Variants in HIBADH observed in about 807,000 individuals in gnomAD.
HIBADH encodes the protein 3-hydroxyisobutyrate dehydrogenase, also known as 3-hydroxyisobutyrate dehydrogenase, mitochondrial.
HIBADH carries 25 observed loss-of-function variants against 36.1 expected under a neutral mutation model. The observed-to-expected ratio is 0.69, with a 90% confidence interval of 0.50 to 0.97. HIBADH has a LOEUF of 0.97. Among genes scored for constraint, HIBADH ranks in the 50% least tolerant of loss-of-function variants. The pLI, the probability that HIBADH is intolerant of heterozygous loss-of-function variation, is 0.00. For missense variants in HIBADH, 421 were observed against 418.0 expected (o/e 1.01, Z -0.06); for synonymous variants, 160 against 149.5 (o/e 1.07, Z -0.51).
chr7:27,543,712 T>A (rs1394727371), intron 4 of HIBADH, among the ~76,000 whole-genome samples: 1 of 152,112 alleles, frequency 6.6e-6, no homozygotes, highest in African/African-American at 2.4e-5. Flanking sequence ...TCAATATTAT[T>A]TGATTTTTCT....
At chr7:27,580,276 G>A (rs1784769418) in intron 4 of HIBADH, among the ~76,000 whole-genome samples, 1 of 152,170 alleles carries the variant, frequency 6.6e-6, no homozygotes, top group Non-Finnish European at 1.5e-5. Flanking sequence ...CCAAGTAGCA[G>A]TAATGAGTAA....
chr7:27,640,405 C>T (rs1174514892), intron 2 of HIBADH, among the ~76,000 whole-genome samples: 1 of 152,102 alleles, frequency 6.6e-6, no homozygotes, highest in Non-Finnish European at 1.5e-5. Flanking sequence ...TGGTGCACAC[C>T]TGTGGTCCCA....
chr7:27,640,055 C>T (rs1785933697), intron 2 of HIBADH, among the ~76,000 whole-genome samples: 2 of 152,304 alleles, frequency 1.3e-5, no homozygotes, highest in South Asian at 4.1e-4. Context: ...TTGGTCACCG[C>T]CACCCTCCGT....
intron 4 of HIBADH, among the ~76,000 whole-genome samples, chr7:27,603,734 AT>A (rs1244855016): frequency 2.0e-5 from 3 of 152,178 alleles, no homozygotes; most frequent in Non-Finnish European, 2.9e-5. Flanking sequence ...ACTAAATTAA[AT>A]TTTATCTAAA....
At chr7:27,585,853 A>C (rs1240834424) in intron 4 of HIBADH, among the ~76,000 whole-genome samples, 1 of 151,892 alleles carries the variant, frequency 6.6e-6, no homozygotes, top group Non-Finnish European at 1.5e-5. Flanking sequence ...TTTTTTTTAA[A>C]TTTTTTTGGA....
chr7:27,581,611 A>G lies in HIBADH; in HGVS notation c.485-38511T>C, dbSNP rs554518164. ...TTTATAGATTTATGATATACAACAT[A>G]TTTCGATAAATGTATACATTGTGCA... On this transcript the variant is annotated intron_variant, in intron 4 of 7. Transcript: ENST00000265395. Among the ~76,000 whole-genome samples, 19 of 152,274 alleles carry G rather than the reference A, an allele frequency of 1.2e-4. No individual in the cohort carries two copies. The South Asian group carries it at 3.1e-3, about 25-fold the overall frequency.
intron 4 of HIBADH, among the ~76,000 whole-genome samples, chr7:27,556,868 A>T (rs921737956): frequency 1.1e-4 from 16 of 152,158 alleles, no homozygotes; most frequent in African/African-American, 3.9e-4. Context: ...AGGTGCCTAT[A>T]ATATTTGGGA....
intron 4 of HIBADH, among the ~76,000 whole-genome samples, chr7:27,625,035 A>G (rs1785616377): frequency 6.6e-6 from 1 of 152,254 alleles, no homozygotes. Context: ...TGATGTATTT[A>G]TATAGAACAA....
At chr7:27,558,639 G>A (rs965270094) in intron 4 of HIBADH, among the ~76,000 whole-genome samples, 3 of 152,100 alleles carry the variant, frequency 2.0e-5, no homozygotes, top group Admixed American at 2.0e-4. Flanking sequence ...TGAGGCTGTA[G>A]TGAGCCATAT....
At chr7:27,589,706 A>G (rs906231667) in intron 4 of HIBADH, among the ~76,000 whole-genome samples, 1 of 152,238 alleles carries the variant, frequency 6.6e-6, no homozygotes, top group Non-Finnish European at 1.5e-5. Flanking sequence ...TAAGACAATC[A>G]GTAAAAAGGC....
Position 27,632,934 on chromosome 7 carries a change from C to CA in HIBADH, c.253-490dup, listed in dbSNP as rs975336342. 4.8e-4 allele frequency among the ~76,000 whole-genome samples: 68 copies of CA among 141,256 alleles called. No individual in the cohort carries two copies. In the Middle Eastern group the frequency reaches 0.011, roughly 22 times the overall value. 92.7% of individuals were successfully genotyped at this position (141,256 alleles called of 152,430 possible). On this transcript the variant is annotated intron_variant, in intron 2 of 7. Coordinates refer to ENST00000265395, the MANE Select transcript of HIBADH (RefSeq NM_152740.4). ...CCATCCTCCAGTCTGTATTTTCAAGCAAAAAAAAAAGAAGAAAGTATCTGT... is the reference window on the plus strand; with the variant it reads ...CCATCCTCCAGTCTGTATTTTCAAGCAAAAAAAAAAAGAAGAAAGTATCTGT...
At chr7:27,654,681 T>G (rs1786265341) in intron 1 of HIBADH, among the ~76,000 whole-genome samples, 1 of 119,990 alleles carries the variant, frequency 8.3e-6, no homozygotes, top group East Asian at 2.9e-4. Flanking sequence ...GATGGATATG[T>G]TTACCATTTT....
chr7:27,619,084 A>T (rs1785489625), intron 4 of HIBADH, among the ~76,000 whole-genome samples: 1 of 152,164 alleles, frequency 6.6e-6, no homozygotes, highest in Non-Finnish European at 1.5e-5. Context: ...CACTGCTGCC[A>T]CCACTAGGGC....
chr7:27,644,331 G>A (rs1786018304), intron 2 of HIBADH, among the ~76,000 whole-genome samples: 8 of 152,004 alleles, frequency 5.3e-5, no homozygotes, highest in Admixed American at 5.2e-4. Context: ...CGGGCACGGT[G>A]GCTCACACCT....
chr7:27,596,329 G>A (rs529870608), intron 4 of HIBADH, among the ~76,000 whole-genome samples: 34 of 152,334 alleles, frequency 2.2e-4, no homozygotes, highest in African/African-American at 7.9e-4. Context: ...CACAAGGGCA[G>A]AGCCCTCATG....
intron 1 of HIBADH, 84 bp from the exon 2 acceptor site, chr7:27,649,717 AG>A (rs1465858585): frequency 7.7e-7 from 1 of 1,298,800 alleles, no homozygotes; most frequent in Non-Finnish European, 1.0e-6. Flanking sequence ...GTCAATTGTT[AG>A]ATTTTTTTTT....
Position 27,526,235 on chromosome 7 carries a change from T to C in HIBADH, c.990A>G (p.Leu330=). 2 of 1,611,448 alleles carry C rather than the reference T, an allele frequency of 1.2e-6. No homozygotes were observed. The highest frequency in any genetic ancestry group is 1.7e-6 in the Non-Finnish European group (2 of 1,178,988). Residue 330 remains leucine (L), a synonymous_variant, in exon 8 of 8, where the codon CTA becomes CTG. Coordinates refer to ENST00000265395, the MANE Select transcript of HIBADH (RefSeq NM_152740.4). Reference sequence around the variant, plus strand: ...ACACTCAGAAGGTCTCCTCCTCTCGTAGGAACTGGAACACGGATGAGAAGT... The same window carrying C: ...ACACTCAGAAGGTCTCCTCCTCTCGCAGGAACTGGAACACGGATGAGAAGT... ...KKDFSSVFQF[L]REEETF
chr7:27,577,538 A>C (rs1784730013), intron 4 of HIBADH, among the ~76,000 whole-genome samples: 1 of 152,186 alleles, frequency 6.6e-6, no homozygotes, highest in Non-Finnish European at 1.5e-5. Flanking sequence ...ATTTATGTTA[A>C]ATTTAAACCC....
chr7:27,539,825 ATATTG>A (rs1445288809), intron 5 of HIBADH, among the ~76,000 whole-genome samples: 2 of 152,308 alleles, frequency 1.3e-5, no homozygotes, highest in South Asian at 2.1e-4. Flanking sequence ...TATGTATTAT[ATATTG>A]TATTCTTATG....
Sources: gnomAD v4.1 joint callset for allele counts (sites outside exome capture counted in the v4.1 genomes callset) on GRCh38, gnomAD v4.1.1 for gene constraint, MANE v1.5 for transcripts, NCBI Gene and HGNC (gene_info 2026-07-23, HGNC 2026-07-21) for gene names.